Variants in NCAM2 observed in about 807,000 individuals in gnomAD.
NCAM2 encodes the protein neural cell adhesion molecule 2.
Under a neutral mutation model 98.1 loss-of-function variants are expected in NCAM2, and 30 were observed. That is an observed-to-expected ratio of 0.31 (90% CI 0.23 to 0.41). The LOEUF (loss-of-function observed/expected upper bound fraction) is 0.41, where lower values mean the gene tolerates loss of function less well. NCAM2 is among the 10% of genes least tolerant of loss of function. The probability of loss-of-function intolerance (pLI) is 1.00; values close to 1 mark genes in which losing one functional copy is unlikely to be tolerated. For synonymous variants in NCAM2, 368 were observed against 342.4 expected, an observed-to-expected ratio of 1.07 and a Z score of -0.83; for missense variants, 867 against 1,005.8, an observed-to-expected ratio of 0.86 and a Z score of 1.87.
intron 15 of NCAM2, among the ~76,000 whole-genome samples, chr21:21,498,233 G>A (rs986311483): frequency 6.6e-6 from 1 of 151,962 alleles, no homozygotes; most frequent in Non-Finnish European, 1.5e-5. Flanking sequence ...CAAATTAAGT[G>A]CTGTATTCCT....
chr21:21,339,809 C>T (rs1221148251), intron 8 of NCAM2, among the ~76,000 whole-genome samples: 1 of 151,822 alleles, frequency 6.6e-6, no homozygotes, highest in African/African-American at 2.4e-5. Context: ...TTATTACTTT[C>T]CTTTTGAAAG....
chr21:21,251,137 A>G (rs2008651), intron 1 of NCAM2, among the ~76,000 whole-genome samples: 150,956 of 152,258 alleles, frequency 0.99, 74,848 homozygotes, highest in Non-Finnish European at 1. Context: ...TTTATCTAAC[A>G]TAAGCCAGAA....
At chr21:21,216,647 C>T (rs1568783148) in intron 1 of NCAM2, among the ~76,000 whole-genome samples, 3 of 152,126 alleles carry the variant, frequency 2.0e-5, no homozygotes, top group Non-Finnish European at 4.4e-5. Context: ...CCATGCATGC[C>T]CAGTTCCTTC....
At position 21,385,373 on chromosome 21, in the gene NCAM2, C is replaced by CAG. The variant is rs1319317927; in HGVS notation, c.1195+11361_1195+11362insGA. Among the ~76,000 whole-genome samples the CAG allele has an allele frequency of 4.6e-5, 6 of 130,320 alleles. 1 individual carries two copies. In the South Asian group the frequency reaches 1.5e-3, roughly 32 times the overall value. 85.5% of individuals were successfully genotyped at this position (130,320 alleles called of 152,430 possible). On this transcript the variant is annotated intron_variant, in intron 9 of 17. Transcript: ENST00000400546. ...TACAAAGACATTACACAATGTTAAA[C>CAG]ACACACACACACACACACACACACA... is the stretch of plus-strand genomic sequence containing the variant.
chr21:21,155,622 A>G (rs1460645131), intron 1 of NCAM2, among the ~76,000 whole-genome samples: 1 of 151,886 alleles, frequency 6.6e-6, no homozygotes, highest in Non-Finnish European at 1.5e-5. Context: ...TGGCTTTAGT[A>G]TATGGTATGA....
chr21:21,429,252 C>A (rs1196346808), intron 11 of NCAM2, among the ~76,000 whole-genome samples: 1 of 152,182 alleles, frequency 6.6e-6, no homozygotes, highest in Non-Finnish European at 1.5e-5. Context: ...AAAGAAAAAA[C>A]AAAGGCTCTT....
intron 1 of NCAM2, among the ~76,000 whole-genome samples, chr21:21,263,885 G>C (rs561722665): frequency 5.9e-5 from 9 of 151,922 alleles, no homozygotes; most frequent in Non-Finnish European, 1.0e-4. Flanking sequence ...TAAATATAAA[G>C]TCCAAAAACA....
At chr21:21,279,936 C>T (rs2072868588) in intron 1 of NCAM2, among the ~76,000 whole-genome samples, 1 of 152,204 alleles carries the variant, frequency 6.6e-6, no homozygotes, top group South Asian at 2.1e-4. Context: ...TAAAATAACA[C>T]TTTGCTTATC....
chr21:21,262,766 A>T (rs1465551342), intron 1 of NCAM2, among the ~76,000 whole-genome samples: 4 of 152,044 alleles, frequency 2.6e-5, no homozygotes, highest in Admixed American at 2.6e-4. Flanking sequence ...CTGGGCAATT[A>T]ACAAAATAAA....
chr21:21,409,454 G>A (rs1259444471), intron 9 of NCAM2, among the ~76,000 whole-genome samples: 4 of 152,184 alleles, frequency 2.6e-5, no homozygotes, highest in African/African-American at 9.6e-5. Flanking sequence ...ATACTTTAGG[G>A]AAAAAATGTT....
At chr21:21,512,176 A>G (rs1988428495) in intron 16 of NCAM2, among the ~76,000 whole-genome samples, 1 of 151,956 alleles carries the variant, frequency 6.6e-6, no homozygotes, top group South Asian at 2.1e-4. Context: ...GCCCAGATCA[A>G]TGATCTGAGG....
intron 1 of NCAM2, among the ~76,000 whole-genome samples, chr21:21,254,001 A>G (rs2071568437): frequency 6.6e-6 from 1 of 152,210 alleles, no homozygotes; most frequent in Non-Finnish European, 1.5e-5. Flanking sequence ...AGGATGCCCA[A>G]TTTTAAGAAT....
At chr21:21,279,445 G>A (rs1397887243) in intron 1 of NCAM2, among the ~76,000 whole-genome samples, 1 of 151,874 alleles carries the variant, frequency 6.6e-6, no homozygotes, top group African/African-American at 2.4e-5. Context: ...TGCAACCTCC[G>A]CCTTCCAGTT....
At chr21:21,289,669 T>C (rs911282329) in intron 4 of NCAM2, among the ~76,000 whole-genome samples, 1 of 151,906 alleles carries the variant, frequency 6.6e-6, no homozygotes, top group Non-Finnish European at 1.5e-5. Flanking sequence ...TAAATCTAAC[T>C]AGGATTTTTA....
intron 9 of NCAM2, among the ~76,000 whole-genome samples, chr21:21,380,878 T>C (rs1602164206): frequency 6.6e-6 from 1 of 152,076 alleles, no homozygotes; most frequent in Non-Finnish European, 1.5e-5. Flanking sequence ...TCTTTATGAA[T>C]ATCCCCTTTC....
Position 21,162,840 on chromosome 21 carries a change from G to A in NCAM2, c.56-117738G>A, listed in dbSNP as rs569996397. 1.4e-4 allele frequency among the ~76,000 whole-genome samples: 21 copies of A among 152,190 alleles called. No homozygotes were observed. The South Asian group carries it at 4.1e-3, about 30-fold the overall frequency. Reference sequence around the variant, plus strand: ...AAGTTGCCAACATCAGCACTGATCCGAAATATATCCGTTATTGGTGAAGAA... The same window carrying A: ...AAGTTGCCAACATCAGCACTGATCCAAAATATATCCGTTATTGGTGAAGAA... On this transcript the variant is annotated intron_variant, in intron 1 of 17. Transcript: ENST00000400546.
intron 1 of NCAM2, among the ~76,000 whole-genome samples, chr21:21,106,664 G>A (rs141308405): frequency 9.0e-4 from 136 of 150,738 alleles, no homozygotes; most frequent in Non-Finnish European, 1.7e-3. Context: ...GTATTAATTA[G>A]AACAGAAGAA....
intron 15 of NCAM2, among the ~76,000 whole-genome samples, chr21:21,481,982 C>G (rs1985929629): frequency 6.6e-6 from 1 of 151,880 alleles, no homozygotes; most frequent in South Asian, 2.1e-4. Flanking sequence ...CCTGTAATCC[C>G]AGCTACTCAG....
intron 1 of NCAM2, among the ~76,000 whole-genome samples, chr21:21,108,787 T>A (rs535684146): frequency 6.6e-6 from 1 of 152,238 alleles, no homozygotes; most frequent in Non-Finnish European, 1.5e-5. Context: ...TTGGAAAAAC[T>A]ATCCAGCACA....
Sources: allele counts gnomAD v4.1 joint callset (sites outside exome capture counted in the v4.1 genomes callset), GRCh38; gene constraint gnomAD v4.1.1; transcripts MANE v1.5; gene names NCBI Gene and HGNC (gene_info 2026-07-23, HGNC 2026-07-21).